GABRG3: variants seen among roughly 807,000 people sequenced by gnomAD.
GABRG3 encodes the protein gamma-aminobutyric acid type A receptor subunit gamma3.
Under a neutral mutation model 48.8 loss-of-function variants are expected in GABRG3, and 25 were observed. The ratio of observed to expected loss-of-function variants is 0.51; its 90% CI spans 0.37 to 0.72. The LOEUF is 0.72. GABRG3 is among the 30% of genes least tolerant of loss of function. GABRG3 has a pLI of 0.00. For synonymous variants in GABRG3, 227 were observed against 217.6 expected, an observed-to-expected ratio of 1.04 and a Z score of -0.38; for missense variants, 394 against 577.9, an observed-to-expected ratio of 0.68 and a Z score of 3.26.
At chr15:27,318,965 G>A (rs1440558551) in intron 3 of GABRG3, among the ~76,000 whole-genome samples, 1 of 152,184 alleles carries the variant, frequency 6.6e-6, no homozygotes, top group Non-Finnish European at 1.5e-5. Context: ...ATGTACAGCA[G>A]GGAGCCTATA....
At chr15:27,060,229 C>T (rs2140721861) in intron 3 of GABRG3, among the ~76,000 whole-genome samples, 1 of 152,310 alleles carries the variant, frequency 6.6e-6, no homozygotes, top group Admixed American at 6.5e-5. Flanking sequence ...CTAATGTGAA[C>T]TTTGGTTTTA....
intron 3 of GABRG3, among the ~76,000 whole-genome samples, chr15:27,167,583 A>G (rs1168467931): frequency 6.6e-6 from 1 of 152,190 alleles, no homozygotes; most frequent in Non-Finnish European, 1.5e-5. Context: ...TCCACATACT[A>G]CTAGTTGGAG....
Position 27,537,871 on chromosome 15 carries a change from C to T in GABRG3, c.*4990C>T, listed in dbSNP as rs1032740305. ...TTATTTATTTTGAGATGAAGTTTTA[C>T]TCTTGTTGCCCAGGCTGGAGTGCAG... On this transcript the variant is annotated 3_prime_UTR_variant, in exon 10 of 10. Transcript: ENST00000615808. The T allele has an allele frequency of 6.6e-6, 1 of 150,384 alleles. No homozygotes were observed. The highest frequency in any genetic ancestry group is 6.6e-5 in the Admixed American group (1 of 15,076). 9.3% of individuals were successfully genotyped at this position (150,384 alleles called of 1,614,324 possible).
intron 3 of GABRG3, among the ~76,000 whole-genome samples, chr15:27,113,243 G>A (rs1252609760): frequency 6.6e-6 from 1 of 151,676 alleles, no homozygotes; most frequent in Non-Finnish European, 1.5e-5. Context: ...ATAATTTATT[G>A]TGTATTATTT....
chr15:27,149,443 C>G (rs931719544), intron 3 of GABRG3, among the ~76,000 whole-genome samples: 5 of 114,588 alleles, frequency 4.4e-5, no homozygotes, highest in African/African-American at 1.2e-4. Flanking sequence ...GAATCCCTGT[C>G]AAAATCTCAG....
intron 5 of GABRG3, among the ~76,000 whole-genome samples, chr15:27,423,871 T>G (rs2140615084): frequency 6.6e-6 from 1 of 152,036 alleles, no homozygotes; most frequent in African/African-American, 2.4e-5. Flanking sequence ...CTAGCTTCCA[T>G]TTTCTTATTT....
chr15:27,074,140 G>A (rs535364794), intron 3 of GABRG3, among the ~76,000 whole-genome samples: 1 of 152,076 alleles, frequency 6.6e-6, no homozygotes, highest in Non-Finnish European at 1.5e-5. Context: ...ACTACCAGGA[G>A]AACAGTATTG....
intron 3 of GABRG3, among the ~76,000 whole-genome samples, chr15:27,223,164 A>G (rs912671375): frequency 1.3e-5 from 2 of 152,268 alleles, no homozygotes; most frequent in African/African-American, 4.8e-5. Flanking sequence ...AATGTGGGTC[A>G]GCCCTGATGA....
At chr15:27,308,665 A>C (rs1438213661) in intron 3 of GABRG3, among the ~76,000 whole-genome samples, 4 of 149,696 alleles carry the variant, frequency 2.7e-5, no homozygotes, top group Admixed American at 1.3e-4. Context: ...TAAACATATA[A>C]TGTAAACATA....
rs1893638246 is a variant in GABRG3, at chr15:27,327,004, G to T, written c.466G>T (p.Asp156Tyr). ...TPNQLLRIWN[D>Y]GKILYTLRLT... Reference sequence around the variant, plus strand: ...CAATCAGCTCCTCCGGATTTGGAATGACGGGAAAATCCTTTACACTTTGAG... The same window carrying T: ...CAATCAGCTCCTCCGGATTTGGAATTACGGGAAAATCCTTTACACTTTGAG... Residue 156 changes from aspartate to tyrosine, a missense_variant, in exon 4 of 10, where the codon GAC becomes TAC. Asp to Tyr is a radical substitution (Grantham distance 160). Transcript: ENST00000615808. 6.2e-7 allele frequency: 1 copy of T among 1,613,804 alleles called. No individual in the cohort carries two copies. Among genetic ancestry groups the T allele is most frequent in the Non-Finnish European group, 8.5e-7 (1 of 1,179,854 alleles).
intron 3 of GABRG3, among the ~76,000 whole-genome samples, chr15:27,129,418 A>G (rs981538054): frequency 6.6e-6 from 1 of 152,176 alleles, no homozygotes; most frequent in African/African-American, 2.4e-5. Flanking sequence ...CATTATGTGT[A>G]TATGCCATAT....
intron 3 of GABRG3, among the ~76,000 whole-genome samples, chr15:27,261,908 T>C (rs1287282055): frequency 2.0e-5 from 3 of 152,206 alleles, no homozygotes; most frequent in Non-Finnish European, 4.4e-5. Context: ...CCTGTAAGCC[T>C]CTGGGTTCCA....
At chr15:27,491,618 T>A (rs1262954753) in intron 6 of GABRG3, among the ~76,000 whole-genome samples, 1 of 152,222 alleles carries the variant, frequency 6.6e-6, no homozygotes, top group Non-Finnish European at 1.5e-5. Flanking sequence ...AAGACCAGTA[T>A]ATACTTGTGT....
intron 6 of GABRG3, among the ~76,000 whole-genome samples, chr15:27,488,303 C>A (rs1252376441): frequency 6.6e-6 from 1 of 152,166 alleles, no homozygotes; most frequent in Non-Finnish European, 1.5e-5. Context: ...CTGATTTTGC[C>A]CCATAGTGAC....
At chr15:26,984,617 G>C (rs964565232) in intron 2 of GABRG3, among the ~76,000 whole-genome samples, 13 of 152,128 alleles carry the variant, frequency 8.5e-5, no homozygotes, top group African/African-American at 3.1e-4. Context: ...GGGTGATGTA[G>C]GGTGTCATTT....
rs538444440 is a variant in GABRG3 at position 27,299,928 on chromosome 15, A to G, written c.271-26881A>G. ...AGGTCAAGAAAATGACTCCATAAAA[A>G]TTGTTTATATATTCCAGGTTTGTCT... On this transcript the variant is annotated intron_variant, in intron 3 of 9. Coordinates refer to ENST00000615808, the MANE Select transcript of GABRG3 (RefSeq NM_033223.5). Among the ~76,000 whole-genome samples, 18 of 152,296 alleles carry G rather than the reference A, an allele frequency of 1.2e-4. No individual in the cohort carries two copies. The South Asian group carries it at 3.5e-3, about 30-fold the overall frequency.
chr15:27,503,526 T>A (rs1438468069), intron 6 of GABRG3, among the ~76,000 whole-genome samples: 2 of 152,198 alleles, frequency 1.3e-5, no homozygotes, highest in Non-Finnish European at 2.9e-5. Flanking sequence ...TTTCCCTTTT[T>A]TTCACTCAGC....
intron 2 of GABRG3, among the ~76,000 whole-genome samples, chr15:26,987,483 C>T (rs1235621963): frequency 6.6e-6 from 1 of 152,180 alleles, no homozygotes; most frequent in Non-Finnish European, 1.5e-5. Flanking sequence ...TTATCGTTCT[C>T]ATAATCCATA....
At chr15:27,265,075 A>C (rs1890877019) in intron 3 of GABRG3, among the ~76,000 whole-genome samples, 4 of 152,112 alleles carry the variant, frequency 2.6e-5, no homozygotes, top group African/African-American at 9.7e-5. Context: ...ATAATAATTA[A>C]AACTACATCC....
Sources: gnomAD v4.1 joint callset for allele counts (sites outside exome capture counted in the v4.1 genomes callset) on GRCh38, gnomAD v4.1.1 for gene constraint, MANE v1.5 for transcripts, NCBI Gene and HGNC (gene_info 2026-07-23, HGNC 2026-07-21) for gene names.